CENPE: variants seen among roughly 807,000 people sequenced by gnomAD.
CENPE encodes the protein centromere protein E, also known as centromere-associated protein E.
Under a neutral mutation model 336.1 loss-of-function variants are expected in CENPE, and 145 were observed. The observed-to-expected ratio is 0.43, with a 90% confidence interval of 0.38 to 0.50. The LOEUF (loss-of-function observed/expected upper bound fraction) is 0.50, where lower values mean the gene tolerates loss of function less well. Among genes scored for constraint, CENPE ranks in the 20% least tolerant of loss-of-function variants. CENPE has a pLI of 0.00. For missense variants in CENPE, 2,719 were observed against 3,023.3 expected (o/e 0.90, Z 2.36); for synonymous variants, 1,013 against 984.8 (o/e 1.03, Z -0.54).
intron 16 of CENPE, among the ~76,000 whole-genome samples, chr4:103,167,378 C>G (rs1755011984): frequency 6.6e-6 from 1 of 152,028 alleles, no homozygotes; most frequent in Non-Finnish European, 1.5e-5. Context: ...ATTCCTTTTT[C>G]TCTTGCATAA....
At chr4:103,175,380 A>T (rs1233160803) in intron 15 of CENPE, among the ~76,000 whole-genome samples, 1 of 152,030 alleles carries the variant, frequency 6.6e-6, no homozygotes, top group Non-Finnish European at 1.5e-5. Context: ...ATTGTAAAAA[A>T]AACCCAAGAA....
rs922571441 is a variant in CENPE, at chr4:103,176,553, CTATT to C, written c.1390+342_1390+345del. On this transcript the variant is annotated intron_variant, in intron 14 of 48. Coordinates refer to ENST00000265148, the MANE Select transcript of CENPE (RefSeq NM_001813.3). ...AGAATAAAGAACTTATGATTACTTT[CTATT>C]TATTTATTTATTTATATTTGTTTGA... 5.9e-5 allele frequency among the ~76,000 whole-genome samples: 9 copies of C among 151,852 alleles called. No homozygotes were observed. The East Asian group carries it at 1.5e-3, about 26-fold the overall frequency.
intron 44 of CENPE, among the ~76,000 whole-genome samples, chr4:103,117,917 T>C (rs1299509503): frequency 6.6e-6 from 1 of 152,202 alleles, no homozygotes; most frequent in Non-Finnish European, 1.5e-5. Flanking sequence ...CATGAGCCAC[T>C]GCGCCCAGCC....
rs368883720 is a variant in CENPE at position 103,153,187 on chromosome 4, C to T, written c.3097G>A (p.Val1033Ile). 1.9e-6 allele frequency: 3 copies of T among 1,612,906 alleles called. No homozygotes were observed. The highest frequency in any genetic ancestry group is 4.5e-5 in the East Asian group (2 of 44,772). ...TGCTCAATTATCTCATTATCCTTAA[C>T]ATCTGCAGTTAGTGTTTGGGTATTT... ...AKNTQTLTAD[V>I]KDNEIIEQQR... The change falls in exon 25 of 49, where the codon GTT (valine) becomes ATT (isoleucine). Residue 1033 changes from valine to isoleucine, a missense_variant. Transcript: ENST00000265148.
intron 33 of CENPE, among the ~76,000 whole-genome samples, 175 bp downstream of exon 33, chr4:103,144,156 T>G (rs1328401640): frequency 6.6e-6 from 1 of 152,176 alleles, no homozygotes; most frequent in Non-Finnish European, 1.5e-5. Flanking sequence ...CAGGATGGTC[T>G]TGATCTCCTG....
At chr4:103,160,978 G>C in intron 20 of CENPE, 108 bp downstream of exon 20, 1 of 1,047,462 alleles carries the variant, frequency 9.5e-7, no homozygotes, top group Non-Finnish European at 1.3e-6. Context: ...TTTTTAAAAA[G>C]TCAGAGTATA....
intron 42 of CENPE, among the ~76,000 whole-genome samples, chr4:103,129,194 T>A (rs191805162): frequency 1.7e-4 from 26 of 152,240 alleles, no homozygotes; most frequent in Admixed American, 5.9e-4. Flanking sequence ...TAGGCCTATA[T>A]CTATCAAAGA....
chr4:103,133,559 T>C (rs1002984708), intron 41 of CENPE, 136 bp downstream of exon 41: 3 of 655,732 alleles, frequency 4.6e-6, no homozygotes, highest in Non-Finnish European at 7.8e-6. Flanking sequence ...CCAGTCTTTA[T>C]GTCTGGCCAG....
chr4:103,171,598 G>A (rs1356669621), intron 16 of CENPE, among the ~76,000 whole-genome samples: 1 of 150,634 alleles, frequency 6.6e-6, no homozygotes, highest in East Asian at 1.9e-4. Context: ...TTACCTCGAA[G>A]AATTAGAAAA....
chr4:103,175,922 A>G, intron 15 of CENPE, 38 bp downstream of exon 15: 1 of 1,230,036 alleles, frequency 8.1e-7, no homozygotes, highest in Admixed American at 2.2e-5. Flanking sequence ...TTTTAAAAAG[A>G]GTAAAAGCAT....
At chr4:103,130,154 T>C (rs182096420) in intron 42 of CENPE, among the ~76,000 whole-genome samples, 2 of 152,238 alleles carry the variant, frequency 1.3e-5, no homozygotes, top group Admixed American at 6.5e-5. Context: ...GTACTGGAAG[T>C]CCAAATTAAC....
At chr4:103,188,981 A>T (rs1303220689) in intron 8 of CENPE, among the ~76,000 whole-genome samples, 1 of 152,232 alleles carries the variant, frequency 6.6e-6, no homozygotes, top group Non-Finnish European at 1.5e-5. Flanking sequence ...ATCCCACAGA[A>T]ATACAAACTA....
At chr4:103,112,698 GTA>G (rs1156601271) in intron 46 of CENPE, among the ~76,000 whole-genome samples, 2 of 125,530 alleles carry the variant, frequency 1.6e-5, no homozygotes, top group African/African-American at 3.1e-5. Flanking sequence ...ATATATAAGT[GTA>G]TATATATACT....
chr4:103,125,587 G>A (rs757439692), intron 42 of CENPE, among the ~76,000 whole-genome samples: 19 of 152,004 alleles, frequency 1.2e-4, no homozygotes, highest in Non-Finnish European at 2.6e-4. Context: ...AGTCCAGGAC[G>A]GGTGCAGTGG....
intron 12 of CENPE, 136 bp from the exon 13 acceptor site, chr4:103,180,605 T>C: frequency 1.7e-6 from 1 of 575,402 alleles, no homozygotes; most frequent in Non-Finnish European, 2.9e-6. Flanking sequence ...TAAAATATAC[T>C]CTAACTGTAG....
At chr4:103,149,519 T>A in intron 26 of CENPE, 111 bp from the exon 27 acceptor site, 2 of 921,572 alleles carry the variant, frequency 2.2e-6, no homozygotes, top group Non-Finnish European at 3.1e-6. Context: ...TAAGTAGCAT[T>A]AAAAGTAAAT....
At position 103,144,565 on chromosome 4, in the gene CENPE, A is replaced by G; in HGVS notation, c.4911T>C (p.Asn1637=). The G allele has an allele frequency of 1.2e-6, 2 of 1,613,018 alleles. No individual in the cohort carries two copies. Among genetic ancestry groups the G allele is most frequent in the Non-Finnish European group, 1.7e-6 (2 of 1,179,274 alleles). The change falls in exon 33 of 49, where the codon AAT becomes AAC. Residue 1637 remains asparagine (N), a synonymous_variant. Transcript: ENST00000265148. ...EYQFLKMTAV[N]ETQEKMCEIE... ...TTTCACACATTTTCTCCTGAGTCTC[A>G]TTGACAGCTGTCATCTTAAGAAACT...
Position 103,120,300 on chromosome 4 carries a change from C to A in CENPE, c.7177G>T (p.Ala2393Ser). The A allele has an allele frequency of 1.2e-6, 2 of 1,608,888 alleles. No individual in the cohort carries two copies. The highest frequency in any genetic ancestry group is 1.7e-6 in the Non-Finnish European group (2 of 1,178,858). The change falls in exon 44 of 49, where the codon GCT becomes TCT. Residue 2393 changes from alanine (A) to serine (S), a missense_variant. Transcript: ENST00000265148. ...IRELENSLHE[A>S]KESAMHKESK... is the part of the protein sequence containing the mutation. ...TCCTTATGCATAGCACTTTCTTTAGCTTCATGCAGTGAATTTTCCAGCTCT... is the reference window on the plus strand; with the variant it reads ...TCCTTATGCATAGCACTTTCTTTAGATTCATGCAGTGAATTTTCCAGCTCT...
chr4:103,107,345 G>C (rs1234753053), intron 48 of CENPE, among the ~76,000 whole-genome samples: 1 of 152,146 alleles, frequency 6.6e-6, no homozygotes, highest in African/African-American at 2.4e-5. Flanking sequence ...CTGTCAACTT[G>C]ATCTAATTTT....
Sources: gnomAD v4.1 joint callset for allele counts (sites outside exome capture counted in the v4.1 genomes callset) on GRCh38, gnomAD v4.1.1 for gene constraint, MANE v1.5 for transcripts, NCBI Gene and HGNC (gene_info 2026-07-23, HGNC 2026-07-21) for gene names.